SPTBN1: variants seen among roughly 807,000 people sequenced by gnomAD.
SPTBN1 encodes spectrin beta, non-erythrocytic 1, also known as spectrin beta chain, non-erythrocytic 1.
A neutral mutation model predicts 266.4 loss-of-function variants in SPTBN1; 32 were observed. That is an observed-to-expected ratio of 0.12 (90% CI 0.09 to 0.16). The LOEUF is 0.16. Among genes scored for constraint, SPTBN1 ranks in the 10% least tolerant of loss-of-function variants. The probability of loss-of-function intolerance (pLI) is 1.00; values close to 1 mark genes in which losing one functional copy is unlikely to be tolerated. For synonymous variants in SPTBN1, 1,336 were observed against 1,162.2 expected (o/e 1.15, Z -3.04); for missense variants, 2,296 against 3,067.1 (o/e 0.75, Z 5.94).
chr2:54,637,713 A>G lies in SPTBN1; in HGVS notation c.3768A>G (p.Arg1256=), dbSNP rs776179060. 2 of 1,611,794 alleles carry G rather than the reference A, an allele frequency of 1.2e-6. No individual in the cohort carries two copies. Among genetic ancestry groups the G allele is most frequent in the East Asian group, 4.5e-5 (2 of 44,868 alleles). The part of the protein sequence containing the change: ...IQEKVDSIDD[R]HRKNRETASE... ...ATTATTTTTGTTACCATTCTAATAG[A>G]CATAGGAAGAATCGTGAGACAGCCA... is the stretch of plus-strand genomic sequence containing the variant. The change falls in exon 18 of 36, where the codon AGA becomes AGG. Residue 1256 remains arginine, a splice_region_variant and synonymous_variant. Transcript: ENST00000356805.
intron 1 of SPTBN1, among the ~76,000 whole-genome samples, chr2:54,520,766 C>T (rs1305918135): frequency 1.3e-5 from 2 of 149,828 alleles, no homozygotes; most frequent in East Asian, 2.0e-4. Context: ...CCTTGTCACA[C>T]GCAGGGTATT....
Position 54,592,295 on chromosome 2 carries a change from A to G in SPTBN1, c.149-6797A>G, listed in dbSNP as rs139425574. Among the ~76,000 whole-genome samples the G allele has an allele frequency of 2.2e-3, 339 of 152,362 alleles. 2 individuals are homozygous for G. The highest frequency in any genetic ancestry group is 7.7e-3 in the African/African-American group (320 of 41,580). Reference sequence around the variant, plus strand: ...GATGTTATGCTTCTAGAAGAGGATGATGGTGGAGAGGATATTCACAGCCCT... The same window carrying G: ...GATGTTATGCTTCTAGAAGAGGATGGTGGTGGAGAGGATATTCACAGCCCT... On this transcript the variant is annotated intron_variant, in intron 2 of 35. Coordinates refer to ENST00000356805, the MANE Select transcript of SPTBN1 (RefSeq NM_003128.3).
chr2:54,584,874 A>G (rs1675178838), intron 2 of SPTBN1, among the ~76,000 whole-genome samples: 1 of 152,074 alleles, frequency 6.6e-6, no homozygotes, highest in African/African-American at 2.4e-5. Flanking sequence ...CCAGGTCCCC[A>G]CACCTGTTGG....
chr2:54,650,042 A>G (rs1398036521), intron 26 of SPTBN1, 53 bp downstream of exon 26: 24 of 1,538,002 alleles, frequency 1.6e-5, no homozygotes, highest in South Asian at 5.0e-5. Context: ...TCCATAGAAC[A>G]TCTTTGGGCA....
At position 54,642,987 on chromosome 2, in the gene SPTBN1, C is replaced by A; in HGVS notation, c.3863C>A (p.Ser1288Tyr). ...ATCCTTCTGATCTTTCTGTAGCTGT[C>A]TCTCTGGATCAATGAGAAGATGCTC... Reference protein sequence around the residue: ...QKFLQDCQELSLWINEKMLTA... With the variant: ...QKFLQDCQELYLWINEKMLTA... The change falls in exon 19 of 36, where the codon TCT (serine) becomes TAT (tyrosine). Residue 1288 changes from serine to tyrosine, a missense_variant. Physicochemically the swap from Ser to Tyr is moderately radical, Grantham distance 144. Around this residue, in one of 12 missense-constraint regions of SPTBN1, gnomAD observed 386 missense variants for 486.1 expected, o/e 0.79. Transcript: ENST00000356805. 1 of 1,611,770 alleles carries A rather than the reference C, an allele frequency of 6.2e-7. No individual in the cohort carries two copies. The highest frequency in any genetic ancestry group is 8.5e-7 in the Non-Finnish European group (1 of 1,178,902).
At chr2:54,571,160 G>A (rs1034518403) in intron 2 of SPTBN1, among the ~76,000 whole-genome samples, 1 of 152,060 alleles carries the variant, frequency 6.6e-6, no homozygotes, top group Non-Finnish European at 1.5e-5. Context: ...AAGGGAAGTG[G>A]CTCAGAACAT....
At chr2:54,502,642 C>T (rs1368807232) in intron 1 of SPTBN1, among the ~76,000 whole-genome samples, 1 of 152,212 alleles carries the variant, frequency 6.6e-6, no homozygotes, top group Non-Finnish European at 1.5e-5. Context: ...GAGATGTGTT[C>T]ATGGAAAATC....
At position 54,671,157 on chromosome 2, in the gene SPTBN1, A is replaced by G. The variant is rs1681670173; in HGVS notation, c.*2588A>G. ...TGGCGTTGTCACTTGAATCAAGGCC[A>G]CTTTTTGTCCTACTTGAGCATCTCA... is the stretch of plus-strand genomic sequence containing the variant. On this transcript the variant is annotated 3_prime_UTR_variant, in exon 36 of 36. Transcript: ENST00000356805. The G allele has an allele frequency of 5.3e-6, 1 of 190,180 alleles. No homozygotes were observed. The highest frequency in any genetic ancestry group is 6.1e-5 in the Admixed American group (1 of 16,310). 11.8% of individuals were successfully genotyped at this position (190,180 alleles called of 1,614,324 possible).
In SPTBN1 at chr2:54,558,844, T is replaced by G; in HGVS notation, c.148+32278T>G. 6.2e-7 allele frequency: 1 copy of G among 1,613,802 alleles called. No homozygotes were observed. The highest frequency in any genetic ancestry group is 8.5e-7 in the Non-Finnish European group (1 of 1,179,824). The stretch of plus-strand genomic sequence containing the variant: ...CGCCGGCGTACACGGGGCAGGTGCC[T>G]TACAACTACAACCAGCTGGAAGGCA... On this transcript the variant is annotated intron_variant, in intron 2 of 35. Transcript: ENST00000356805. The surrounding 1 kb of genome is among the most constrained non-coding windows in gnomAD (Gnocchi z 4.6).
chr2:54,459,811 C>G (rs1693265497), intron 1 of SPTBN1, among the ~76,000 whole-genome samples: 1 of 152,166 alleles, frequency 6.6e-6, no homozygotes, highest in East Asian at 1.9e-4. Flanking sequence ...TAAAGCATCT[C>G]ATGGGTTTTT....
intron 1 of SPTBN1, among the ~76,000 whole-genome samples, chr2:54,495,456 G>C (rs1406639680): frequency 6.6e-6 from 1 of 152,136 alleles, no homozygotes; most frequent in Admixed American, 6.5e-5. Context: ...GGAAACTGCA[G>C]ACTACATTGG....
chr2:54,666,037 T>C lies in SPTBN1; in HGVS notation c.6782T>C (p.Val2261Ala). ...SEVPVSLKEA[V>A]CEVALDYKKK... is the part of the protein sequence containing the mutation. The stretch of plus-strand genomic sequence containing the variant: ...GTCCCTGTGAGTTTGAAAGAAGCTG[T>C]CTGCGAAGTGGCCCTTGATTACAAA... Residue 2261 changes from valine to alanine, a missense_variant, in exon 34 of 36, where the codon GTC (valine) becomes GCC (alanine). By Grantham distance (64) the Val-to-Ala change is moderately conservative. Around this residue, in one of 12 missense-constraint regions of SPTBN1, gnomAD observed 347 missense variants for 368.5 expected, o/e 0.94. Coordinates refer to ENST00000356805, the MANE Select transcript of SPTBN1 (RefSeq NM_003128.3). The C allele has an allele frequency of 6.2e-7, 1 of 1,614,062 alleles. No individual in the cohort carries two copies. Among genetic ancestry groups the C allele is most frequent in the Non-Finnish European group, 8.5e-7 (1 of 1,179,968 alleles).
chr2:54,643,658 CT>C (rs1679728609), intron 19 of SPTBN1, among the ~76,000 whole-genome samples: 3 of 152,004 alleles, frequency 2.0e-5, no homozygotes, highest in Admixed American at 2.0e-4. Context: ...TCCTTTTAGA[CT>C]TTTTATAGTG....
At chr2:54,544,018 A>G (rs1259666329) in intron 2 of SPTBN1, among the ~76,000 whole-genome samples, 2 of 152,252 alleles carry the variant, frequency 1.3e-5, no homozygotes, top group East Asian at 1.9e-4. Flanking sequence ...AAATATTACT[A>G]AATTCCCGGG....
At chr2:54,491,157 G>A (rs978765718) in intron 1 of SPTBN1, among the ~76,000 whole-genome samples, 4 of 152,176 alleles carry the variant, frequency 2.6e-5, no homozygotes, top group African/African-American at 9.7e-5. Flanking sequence ...TAAGGTCAAG[G>A]TTAGACTTTG....
intron 2 of SPTBN1, among the ~76,000 whole-genome samples, chr2:54,576,189 G>C (rs1674465674): frequency 6.6e-6 from 1 of 150,900 alleles, no homozygotes; most frequent in South Asian, 2.1e-4. Flanking sequence ...CCAGTAGCTG[G>C]GATTACGGGT....
intron 27 of SPTBN1, among the ~76,000 whole-genome samples, chr2:54,654,600 TG>T: frequency 6.6e-6 from 1 of 152,218 alleles, no homozygotes; most frequent in Non-Finnish European, 1.5e-5. Flanking sequence ...GTTCCCATCC[TG>T]TGTATCTTTT....
At chr2:54,557,948 G>A in intron 2 of SPTBN1, 1 of 985,026 alleles carries the variant, frequency 1.0e-6, no homozygotes, top group South Asian at 4.7e-5. Flanking sequence ...GCAGTCGCGC[G>A]CGCCCAGGTG....
Position 54,646,070 on chromosome 2 carries a change from A to G in SPTBN1, c.4584+53A>G, listed in dbSNP as rs927938865. On this transcript the variant is annotated intron_variant, in intron 22 of 35. Coordinates refer to ENST00000356805, the MANE Select transcript of SPTBN1 (RefSeq NM_003128.3). The surrounding 1 kb of genome is among the most constrained non-coding windows in gnomAD (Gnocchi z 4.4). ...GTCTGATAAATAATTGCTCTAAATT[A>G]TGAGACTGGGAATGGCAGAGAGCTT... 1 of 1,613,034 alleles carries G rather than the reference A, an allele frequency of 6.2e-7. No individual in the cohort carries two copies. Among genetic ancestry groups the G allele is most frequent in the African/African-American group, 1.3e-5 (1 of 75,010 alleles).
Sources: gnomAD v4.1 joint callset for allele counts (sites outside exome capture counted in the v4.1 genomes callset) on GRCh38, gnomAD v4.1.1 for gene constraint, gnomAD v4.1.1 regional missense constraint, Gnocchi (gnomAD v3.1) non-coding constraint, MANE v1.5 for transcripts, NCBI Gene and HGNC (gene_info 2026-07-23, HGNC 2026-07-21) for gene names.